Variants in VPS4B observed in about 807,000 individuals in gnomAD.
VPS4B encodes vacuolar protein sorting 4 homolog B, also known as vacuolar protein sorting-associated protein 4B.
VPS4B carries 23 observed loss-of-function variants against 56.1 expected under a neutral mutation model. The observed-to-expected ratio is 0.41, with a 90% confidence interval of 0.30 to 0.58. The LOEUF (loss-of-function observed/expected upper bound fraction) is 0.58. Among genes scored for constraint, VPS4B ranks in the 20% least tolerant of loss-of-function variants. The pLI is 0.29. For missense variants in VPS4B, 372 were observed against 531.9 expected (o/e 0.70, Z 2.96); for synonymous variants, 177 against 186.0 (o/e 0.95, Z 0.39).
intron 8 of VPS4B, among the ~76,000 whole-genome samples, chr18:63,398,225 T>TATATATATATATATATATATATATATATA (rs1568084680): frequency 1.8e-5 from 1 of 55,028 alleles, no homozygotes; most frequent in African/African-American, 4.8e-5. Context: ...ATATATATAT[T>TATATATATATATATATATATATATATATA]TTTTTTTGAG....
At chr18:63,417,147 T>G (rs1008190368) in intron 1 of VPS4B, among the ~76,000 whole-genome samples, 2 of 152,198 alleles carry the variant, frequency 1.3e-5, no homozygotes, top group African/African-American at 4.8e-5. Flanking sequence ...TTTGGTTACT[T>G]CACTTCTGTC....
chr18:63,402,749 T>C (rs1411321931), intron 5 of VPS4B, among the ~76,000 whole-genome samples: 2 of 152,216 alleles, frequency 1.3e-5, no homozygotes, highest in Non-Finnish European at 2.9e-5. Flanking sequence ...TGTCAACTTT[T>C]ATGCTGTTAA....
chr18:63,395,640 A>G (rs766813961), intron 9 of VPS4B, among the ~76,000 whole-genome samples: 1 of 152,250 alleles, frequency 6.6e-6, no homozygotes, highest in Non-Finnish European at 1.5e-5. Flanking sequence ...ATACATTATG[A>G]GATTAGGTTT....
chr18:63,413,843 T>C (rs1415252668), intron 1 of VPS4B, among the ~76,000 whole-genome samples: 1 of 152,248 alleles, frequency 6.6e-6, no homozygotes, highest in Non-Finnish European at 1.5e-5. Context: ...GGTCTCCCGC[T>C]GGAAGACCAT....
intron 5 of VPS4B, among the ~76,000 whole-genome samples, 156 bp downstream of exon 5, chr18:63,403,551 G>T (rs1268800180): frequency 6.6e-6 from 1 of 152,096 alleles, no homozygotes; most frequent in Non-Finnish European, 1.5e-5. Context: ...ATATGTATAA[G>T]AAATAAAACA....
intron 1 of VPS4B, 72 bp downstream of exon 1, chr18:63,422,161 C>G (rs1465942771): frequency 7.2e-7 from 1 of 1,389,966 alleles, no homozygotes; most frequent in Non-Finnish European, 9.4e-7. Context: ...CCCTTCTCCC[C>G]GCCCCCCACC....
intron 1 of VPS4B, among the ~76,000 whole-genome samples, chr18:63,412,616 TAA>T (rs1292274737): frequency 3.3e-5 from 5 of 152,214 alleles, no homozygotes; most frequent in Non-Finnish European, 5.9e-5. Flanking sequence ...AATTCTGACT[TAA>T]ACTTAATACT....
At chr18:63,405,323 CA>C (rs1915892100) in intron 4 of VPS4B, among the ~76,000 whole-genome samples, 1 of 152,060 alleles carries the variant, frequency 6.6e-6, no homozygotes, top group South Asian at 2.1e-4. Context: ...ACAGAAAACT[CA>C]AATCACAAAC....
intron 9 of VPS4B, among the ~76,000 whole-genome samples, chr18:63,394,609 G>A (rs1915628663): frequency 6.6e-6 from 1 of 152,170 alleles, no homozygotes. Flanking sequence ...TGGGATTATA[G>A]GCGCCCGCCC....
At chr18:63,404,507 A>G (rs1915876504) in intron 4 of VPS4B, 1 of 152,244 alleles carries the variant, frequency 6.6e-6, no homozygotes, top group Non-Finnish European at 1.5e-5. Flanking sequence ...AAGTTAACTT[A>G]CAGGGAAGAT....
chr18:63,422,014 C>T (rs981012720), intron 1 of VPS4B, among the ~76,000 whole-genome samples: 88 of 152,202 alleles, frequency 5.8e-4, no homozygotes, highest in African/African-American at 2.1e-3. Context: ...TGAAGAGTCT[C>T]ACAAAGCCAG....
At chr18:63,398,219 A>T (rs1281990706) in intron 8 of VPS4B, among the ~76,000 whole-genome samples, 1 of 115,334 alleles carries the variant, frequency 8.7e-6, no homozygotes, top group African/African-American at 3.1e-5. Flanking sequence ...ATATATATAT[A>T]TATATTTTTT....
intron 9 of VPS4B, chr18:63,396,613 T>C (rs554008636): frequency 1.7e-5 from 3 of 173,370 alleles, no homozygotes; most frequent in African/African-American, 7.2e-5. Context: ...ATATGTCTAT[T>C]ATGTAAACCC....
chr18:63,411,711 A>G, intron 1 of VPS4B, 133 bp from the exon 2 acceptor site: 1 of 510,204 alleles, frequency 2.0e-6, no homozygotes, highest in Non-Finnish European at 3.2e-6. Flanking sequence ...AAACAAAAAT[A>G]AGTAAAAAAT....
intron 4 of VPS4B, among the ~76,000 whole-genome samples, chr18:63,407,047 G>A (rs1319086445): frequency 1.3e-5 from 2 of 152,174 alleles, no homozygotes; most frequent in African/African-American, 2.4e-5. Flanking sequence ...CTACAGCAAC[G>A]GCAATAAAAG....
chr18:63,411,049 A>G (rs1916030182), intron 2 of VPS4B, among the ~76,000 whole-genome samples: 1 of 152,224 alleles, frequency 6.6e-6, no homozygotes, highest in Non-Finnish European at 1.5e-5. Flanking sequence ...ATAAAACCTC[A>G]GAACTAAATG....
Position 63,410,370 on chromosome 18 carries a change from T to C in VPS4B, c.216A>G (p.Leu72=). 6.2e-7 allele frequency: 1 copy of C among 1,614,074 alleles called. No individual in the cohort carries two copies. The highest frequency in any genetic ancestry group is 8.5e-7 in the Non-Finnish European group (1 of 1,180,044). Residue 72 remains leucine (L), a synonymous_variant, in exon 3 of 11, where the codon CTA becomes CTG. Coordinates refer to ENST00000238497, the MANE Select transcript of VPS4B (RefSeq NM_004869.4). ...TCTCTTTATTTTTCAGGTACTCCTT[T>C]AGTTTTTCTGCTCTATCAAGATATT... is the stretch of plus-strand genomic sequence containing the variant. ...CTEYLDRAEK[L]KEYLKNKEKK... is the part of the protein sequence containing the mutation.
intron 9 of VPS4B, 42 bp downstream of exon 9, chr18:63,396,987 CAAAAA>C: frequency 5.2e-6 from 7 of 1,342,816 alleles, no homozygotes; most frequent in Non-Finnish European, 7.0e-6. Context: ...GAGACTGTCT[CAAAAA>C]AAAAAAAAAA....
intron 9 of VPS4B, among the ~76,000 whole-genome samples, chr18:63,393,934 T>C (rs2144410619): frequency 6.6e-6 from 1 of 152,228 alleles, no homozygotes; most frequent in East Asian, 1.9e-4. Flanking sequence ...AGACGGGGTT[T>C]CACCATGTTG....
Sources: gnomAD v4.1 joint callset for allele counts (sites outside exome capture counted in the v4.1 genomes callset) on GRCh38, gnomAD v4.1.1 for gene constraint, MANE v1.5 for transcripts, NCBI Gene and HGNC (gene_info 2026-07-23, HGNC 2026-07-21) for gene names.